The following ZZZ3 variants were observed in gnomAD, a reference collection of about 807,000 sequenced individuals.
ZZZ3 encodes the protein ZZ-type zinc finger-containing protein 3.
A neutral mutation model predicts 95.2 loss-of-function variants in ZZZ3; 22 were observed. The ratio of observed to expected loss-of-function variants is 0.23; its 90% CI spans 0.17 to 0.33. The LOEUF (loss-of-function observed/expected upper bound fraction) is 0.33, where lower values mean the gene tolerates loss of function less well. Ranked by LOEUF, ZZZ3 falls within the 10% of genes least tolerant of loss-of-function variation. The pLI is 1.00. For synonymous variants in ZZZ3, 335 were observed against 358.9 expected (o/e 0.93, Z 0.75); for missense variants, 885 against 1,066.5 (o/e 0.83, Z 2.37).
intron 5 of ZZZ3, among the ~76,000 whole-genome samples, chr1:77,627,656 G>A (rs1483972007): frequency 2.0e-5 from 3 of 152,106 alleles, no homozygotes; most frequent in Admixed American, 6.5e-5. Context: ...ACTCTTAAAC[G>A]TGACTTGAAA....
chr1:77,601,714 A>G (rs532978731), intron 5 of ZZZ3, among the ~76,000 whole-genome samples: 2 of 152,174 alleles, frequency 1.3e-5, no homozygotes, highest in Non-Finnish European at 2.9e-5. Flanking sequence ...ATCATTTTGC[A>G]TTGAAAATTT....
Position 77,600,274 on chromosome 1 carries a change from G to T in ZZZ3, c.1506-15619C>A, listed in dbSNP as rs1664605902. Reference sequence around the variant, plus strand: ...AAACATATACTCAGGCTAAAGTAAAGATGTTTAATATCTTTTTTCTTAGTT... The same window carrying T: ...AAACATATACTCAGGCTAAAGTAAATATGTTTAATATCTTTTTTCTTAGTT... On this transcript the variant is annotated intron_variant, in intron 5 of 14. Coordinates refer to ENST00000370801, the MANE Select transcript of ZZZ3 (RefSeq NM_015534.6). Among the ~76,000 whole-genome samples, 2 of 152,242 alleles carry T rather than the reference G, an allele frequency of 1.3e-5. 1 individual carries two copies. The highest frequency in any genetic ancestry group is 4.1e-4 in the South Asian group (2 of 4,822).
chr1:77,665,512 T>A (rs561682082), intron 1 of ZZZ3, among the ~76,000 whole-genome samples: 1 of 152,326 alleles, frequency 6.6e-6, no homozygotes, highest in East Asian at 1.9e-4. Context: ...TTTAAAACTA[T>A]CCTAAATATT....
chr1:77,664,074 C>T (rs1244782310), intron 1 of ZZZ3, among the ~76,000 whole-genome samples: 1 of 150,534 alleles, frequency 6.6e-6, no homozygotes, highest in Non-Finnish European at 1.5e-5. Context: ...ATTCTATCAC[C>T]AAAATGTCTT....
chr1:77,649,530 C>T (rs1204366597), intron 1 of ZZZ3, among the ~76,000 whole-genome samples: 1 of 151,932 alleles, frequency 6.6e-6, no homozygotes, highest in East Asian at 1.9e-4. Context: ...AGATGGAAGT[C>T]TAGATATATC....
intron 10 of ZZZ3, among the ~76,000 whole-genome samples, chr1:77,579,164 A>C (rs1002429246): frequency 6.6e-6 from 1 of 152,240 alleles, no homozygotes; most frequent in African/African-American, 2.4e-5. Context: ...GGGAATATGA[A>C]GGAGTAAACT....
intron 1 of ZZZ3, among the ~76,000 whole-genome samples, chr1:77,647,264 C>T (rs1315709299): frequency 6.6e-6 from 1 of 152,104 alleles, no homozygotes; most frequent in African/African-American, 2.4e-5. Context: ...CACATCTATA[C>T]TCCCAGCACT....
At chr1:77,619,768 A>C (rs1202711029) in intron 5 of ZZZ3, among the ~76,000 whole-genome samples, 1 of 152,178 alleles carries the variant, frequency 6.6e-6, no homozygotes, top group African/African-American at 2.4e-5. Flanking sequence ...ATGTCTCCAC[A>C]TAGCTGAGTT....
At position 77,632,177 on chromosome 1, in the gene ZZZ3, G is replaced by C. The variant is rs1217768017; in HGVS notation, c.1178C>G (p.Thr393Ser). 2 of 1,613,900 alleles carry C rather than the reference G, an allele frequency of 1.2e-6. No homozygotes were observed. Among genetic ancestry groups the C allele is most frequent in the Admixed American group, 1.7e-5 (1 of 59,990 alleles). ...RRAAPTRGSP[T>S]KNSSPYRENG... is the part of the protein sequence containing the mutation. The stretch of plus-strand genomic sequence containing the variant: ...TTCTCTGTAAGGAGAACTGTTTTTA[G>C]TGGGACTACCTCTGGTAGGGGCTGC... The change falls in exon 5 of 15, where the codon ACT becomes AGT. Residue 393 changes from threonine (T) to serine (S), a missense_variant. By Grantham distance (58) the Thr-to-Ser change is moderately conservative. Coordinates refer to ENST00000370801, the MANE Select transcript of ZZZ3 (RefSeq NM_015534.6).
intron 5 of ZZZ3, among the ~76,000 whole-genome samples, chr1:77,610,482 T>C (rs1665682980): frequency 6.6e-6 from 1 of 151,868 alleles, no homozygotes; most frequent in African/African-American, 2.4e-5. Context: ...ATTACCCTGA[T>C]ACTCAAACCA....
chr1:77,581,527 G>T (rs750087929), intron 8 of ZZZ3, among the ~76,000 whole-genome samples: 1 of 152,136 alleles, frequency 6.6e-6, no homozygotes, highest in Non-Finnish European at 1.5e-5. Flanking sequence ...AACCCTACAA[G>T]ATAGGTAATA....
At chr1:77,568,814 C>T (rs1259854418) in intron 12 of ZZZ3, among the ~76,000 whole-genome samples, 2 of 152,070 alleles carry the variant, frequency 1.3e-5, no homozygotes, top group African/African-American at 4.8e-5. Context: ...TCTACTTCTC[C>T]CTCATTTAAG....
intron 6 of ZZZ3, 27 bp downstream of exon 6, chr1:77,584,490 A>C (rs1662877633): frequency 6.3e-7 from 1 of 1,579,836 alleles, no homozygotes; most frequent in African/African-American, 1.4e-5. Context: ...AGATCTTAGT[A>C]AATCTTAAAA....
intron 1 of ZZZ3, among the ~76,000 whole-genome samples, 155 bp downstream of exon 1, chr1:77,682,430 T>C (rs1177481499): frequency 6.6e-6 from 1 of 152,136 alleles, no homozygotes; most frequent in Non-Finnish European, 1.5e-5. Flanking sequence ...GGGGTGCATA[T>C]GCTTTTGCAG....
chr1:77,620,813 A>G (rs1017378518), intron 5 of ZZZ3, among the ~76,000 whole-genome samples: 13 of 152,200 alleles, frequency 8.5e-5, no homozygotes, highest in African/African-American at 3.1e-4. Context: ...TCATCAGTAT[A>G]TAGATAGTAA....
At chr1:77,667,239 G>A (rs1271537405) in intron 1 of ZZZ3, among the ~76,000 whole-genome samples, 1 of 152,214 alleles carries the variant, frequency 6.6e-6, no homozygotes, top group East Asian at 1.9e-4. Flanking sequence ...AGCAGCCACT[G>A]ACATCAATAA....
Position 77,576,048 on chromosome 1 carries a change from A to T in ZZZ3, c.2331+20T>A. The T allele has an allele frequency of 6.3e-7, 1 of 1,583,032 alleles. No homozygotes were observed. The highest frequency in any genetic ancestry group is 8.6e-7 in the Non-Finnish European group (1 of 1,168,096). The stretch of plus-strand genomic sequence containing the variant: ...CTTCTATACCTTGATGTATATAACA[A>T]CTTGATGTGTATAACTTACTGATGC... On this transcript the variant is annotated intron_variant, in intron 12 of 14. Transcript: ENST00000370801.
rs749852363 is a variant in ZZZ3, at chr1:77,565,623, T to C, written c.*17A>G. On this transcript the variant is annotated 3_prime_UTR_variant, in exon 15 of 15. Coordinates refer to ENST00000370801, the MANE Select transcript of ZZZ3 (RefSeq NM_015534.6). ...CTATGTGTTGAAGAGGACTAGTAAATGATGTTCTCTTCCATGTCATCTGTT... is the reference window on the plus strand; with the variant it reads ...CTATGTGTTGAAGAGGACTAGTAAACGATGTTCTCTTCCATGTCATCTGTT... 2 of 1,611,714 alleles carry C rather than the reference T, an allele frequency of 1.2e-6. No homozygotes were observed. The highest frequency in any genetic ancestry group is 2.2e-5 in the South Asian group (2 of 90,606).
chr1:77,601,315 C>T (rs114803006), intron 5 of ZZZ3, among the ~76,000 whole-genome samples: 2,577 of 152,114 alleles, frequency 0.017, 34 homozygotes, highest in Middle Eastern at 0.065. Flanking sequence ...AAGGAAATCA[C>T]TAGTAAGTCA....
Sources: gnomAD v4.1 joint callset for allele counts (sites outside exome capture counted in the v4.1 genomes callset) on GRCh38, gnomAD v4.1.1 for gene constraint, MANE v1.5 for transcripts, NCBI Gene and HGNC (gene_info 2026-07-23, HGNC 2026-07-21) for gene names.